The following CASK variants were observed in gnomAD, a reference collection of about 807,000 sequenced individuals.
CASK encodes the protein calcium/calmodulin dependent serine protein kinase.
In CASK, 4 loss-of-function variants were observed where a neutral mutation model predicts 82.9. That is an observed-to-expected ratio of 0.05 (90% CI 0.02 to 0.11). CASK has a LOEUF of 0.11. Among genes scored for constraint, CASK ranks in the 10% least tolerant of loss-of-function variants. CASK has a pLI of 1.00. For missense variants in CASK, 358 were observed against 720.9 expected (o/e 0.50, Z 5.76); for synonymous variants, 259 against 253.5 (o/e 1.02, Z -0.20).
rs1442802096 is a variant in CASK at position 41,923,352 on chromosome X, C to T, written c.-364G>A. On this transcript the variant is annotated 5_prime_UTR_variant, in exon 1 of 27. Coordinates refer to ENST00000378163, the MANE Select transcript of CASK (RefSeq NM_001367721.1). ...CCCGCGCGGGCCGCGAGGCCGCGAC[C>T]GCTCCCTCTGTCCGAGGCCGGCTCC... 2 of 110,268 alleles carry T rather than the reference C, an allele frequency of 1.8e-5. No individual in the cohort carries two copies. Among genetic ancestry groups the T allele is most frequent in the African/African-American group, 6.5e-5 (2 of 30,655 alleles). 9.1% of individuals were successfully genotyped at this position (110,268 alleles called of 1,213,427 possible).
At chrX:41,686,907 C>A (rs925019497) in intron 5 of CASK, among the ~76,000 whole-genome samples, 1 of 111,430 alleles carries the variant, frequency 9.0e-6, no homozygotes, top group African/African-American at 3.3e-5. Flanking sequence ...AAAGAGGAAG[C>A]GTGAAGGGAA....
intron 2 of CASK, among the ~76,000 whole-genome samples, chrX:41,822,313 T>C (rs888901680): frequency 1.8e-5 from 2 of 110,583 alleles, no homozygotes; most frequent in African/African-American, 6.6e-5. Flanking sequence ...ATCCTAGCAC[T>C]TTGGGAGGCC....
intron 12 of CASK, among the ~76,000 whole-genome samples, chrX:41,598,683 C>T (rs1208768862): frequency 8.9e-6 from 1 of 111,769 alleles, no homozygotes; most frequent in Non-Finnish European, 1.9e-5. Flanking sequence ...TATAACCTGT[C>T]CTTCTTACAA....
intron 2 of CASK, among the ~76,000 whole-genome samples, chrX:41,845,152 C>T (rs948910886): frequency 8.9e-6 from 1 of 111,969 alleles, no homozygotes; most frequent in Non-Finnish European, 1.9e-5. Context: ...TGTATAGTCT[C>T]CTGTTGTTGA....
At chrX:41,735,997 T>G (rs1260677491) in intron 5 of CASK, among the ~76,000 whole-genome samples, 3 of 111,755 alleles carry the variant, frequency 2.7e-5, no homozygotes, top group Non-Finnish European at 5.6e-5. Context: ...GTCAGCTCCA[T>G]GAGGGCAGTG....
intron 3 of CASK, among the ~76,000 whole-genome samples, chrX:41,756,006 C>A (rs767005949): frequency 1.2e-3 from 131 of 112,104 alleles, no homozygotes; most frequent in South Asian, 2.2e-3. Flanking sequence ...AAAATCCCAA[C>A]AGGTTTTGTG....
intron 5 of CASK, among the ~76,000 whole-genome samples, chrX:41,724,952 G>C (rs1365452095): frequency 3.6e-5 from 4 of 112,069 alleles, no homozygotes. Context: ...ACTGTGAGCA[G>C]ATAATTTTTT....
chrX:41,839,570 T>C (rs2070994912), intron 2 of CASK, among the ~76,000 whole-genome samples: 1 of 107,111 alleles, frequency 9.3e-6, no homozygotes, highest in Admixed American at 1.0e-4. Context: ...TTTTTCTGCG[T>C]AGACTGTCAT....
At chrX:41,782,673 A>G (rs755228537) in intron 3 of CASK, among the ~76,000 whole-genome samples, 5 of 111,651 alleles carry the variant, frequency 4.5e-5, no homozygotes, top group Non-Finnish European at 9.4e-5. Context: ...AACCTCACAT[A>G]ATTAGTAAAA....
At chrX:41,824,382 G>A (rs2070613463) in intron 2 of CASK, among the ~76,000 whole-genome samples, 1 of 112,006 alleles carries the variant, frequency 8.9e-6, no homozygotes, top group Non-Finnish European at 1.9e-5. Context: ...GAGATTGACT[G>A]TGAATATTTT....
rs2072822592 is a variant in CASK at position 41,923,349 on chromosome X, G to A, written c.-361C>T. The A allele has an allele frequency of 9.1e-6, 1 of 109,829 alleles. No individual in the cohort carries two copies. Among genetic ancestry groups the A allele is most frequent in the African/African-American group, 3.3e-5 (1 of 30,538 alleles). The allele number at this position is 109,829 out of a possible 1,213,427, so 9.1% of individuals were successfully genotyped here. A position where few individuals can be genotyped will look rare whatever the true frequency, so the allele number is the denominator to read the frequency against. ...CAGCCCGCGCGGGCCGCGAGGCCGCGACCGCTCCCTCTGTCCGAGGCCGGC... is the reference window on the plus strand; with the variant it reads ...CAGCCCGCGCGGGCCGCGAGGCCGCAACCGCTCCCTCTGTCCGAGGCCGGC... On this transcript the variant is annotated 5_prime_UTR_variant, in exon 1 of 27. Coordinates refer to ENST00000378163, the MANE Select transcript of CASK (RefSeq NM_001367721.1).
rs183878132 is a variant in CASK at position 41,855,547 on chromosome X, T to C, written c.60-2320A>G. 1.9e-3 allele frequency among the ~76,000 whole-genome samples: 209 copies of C among 111,936 alleles called. 3 individuals carry two copies. Among genetic ancestry groups the C allele is most frequent in the Admixed American group, 0.016 (174 of 10,616 alleles). ...AAAAGGGAGGAGTGATAAAGTAGTG[T>C]AACACACCTACTATATTACACTTAT... On this transcript the variant is annotated intron_variant, in intron 1 of 26. Transcript: ENST00000378163.
At chrX:41,610,652 T>G (rs761917997) in intron 11 of CASK, among the ~76,000 whole-genome samples, 1 of 111,596 alleles carries the variant, frequency 9.0e-6, no homozygotes, top group African/African-American at 3.3e-5. Context: ...AGACAAAGTA[T>G]AGGGACGCTG....
intron 12 of CASK, among the ~76,000 whole-genome samples, chrX:41,606,646 C>G (rs1031803084): frequency 1.8e-4 from 20 of 111,177 alleles, no homozygotes; most frequent in African/African-American, 5.5e-4. Context: ...ATTAATTTGA[C>G]TGGAGCTCAT....
intron 2 of CASK, among the ~76,000 whole-genome samples, chrX:41,841,751 A>T (rs1163378333): frequency 8.1e-5 from 9 of 111,185 alleles, no homozygotes; most frequent in Admixed American, 7.6e-4. Context: ...CTTGAACTCG[A>T]CCTCAAGTGA....
At chrX:41,583,593 C>T (rs1602300637) in intron 14 of CASK, among the ~76,000 whole-genome samples, 3 of 107,992 alleles carry the variant, frequency 2.8e-5, no homozygotes, top group East Asian at 2.9e-4. Flanking sequence ...TGTGCTACCA[C>T]GCCAGGCTAT....
chrX:41,528,904 G>C (rs2064754457), intron 25 of CASK, among the ~76,000 whole-genome samples: 3 of 112,255 alleles, frequency 2.7e-5, no homozygotes, highest in African/African-American at 9.7e-5. Flanking sequence ...AGTCGGTGCA[G>C]ACTGCGGGCA....
In CASK at chrX:41,650,728, G is replaced by C. The variant is rs756847502; in HGVS notation, c.831+9711C>G. Among the ~76,000 whole-genome samples, 36 of 109,581 alleles carry C rather than the reference G, an allele frequency of 3.3e-4. 2 individuals are homozygous for C. In the South Asian group the frequency reaches 0.01, roughly 31 times the overall value. The stretch of plus-strand genomic sequence containing the variant: ...CTCTCAAGTAGCTGAGACAACTATA[G>C]GCTCAAGCCACTGCAACCAGTATCA... On this transcript the variant is annotated intron_variant, in intron 8 of 26. Coordinates refer to ENST00000378163, the MANE Select transcript of CASK (RefSeq NM_001367721.1).
chrX:41,769,795 A>G (rs1158286101), intron 3 of CASK, among the ~76,000 whole-genome samples: 4 of 110,672 alleles, frequency 3.6e-5, no homozygotes, highest in Non-Finnish European at 7.6e-5. Flanking sequence ...AATAAAAAAA[A>G]TTAAGTGGCT....
Sources: gnomAD v4.1 joint callset for allele counts (sites outside exome capture counted in the v4.1 genomes callset) on GRCh38, gnomAD v4.1.1 for gene constraint, MANE v1.5 for transcripts, NCBI Gene and HGNC (gene_info 2026-07-23, HGNC 2026-07-21) for gene names.